CKAP5: variants seen among roughly 807,000 people sequenced by gnomAD.
CKAP5 encodes cytoskeleton-associated protein 5.
Under a neutral mutation model 232.8 loss-of-function variants are expected in CKAP5, and 27 were observed. The ratio of observed to expected loss-of-function variants is 0.12; its 90% CI spans 0.09 to 0.16. The LOEUF (loss-of-function observed/expected upper bound fraction) is 0.16, where lower values mean the gene tolerates loss of function less well. CKAP5 is among the 10% of genes least tolerant of loss of function. The pLI, the probability that CKAP5 is intolerant of heterozygous loss-of-function variation, is 1.00. For synonymous variants in CKAP5, 785 were observed against 841.1 expected, an observed-to-expected ratio of 0.93 and a Z score of 1.16; for missense variants, 1,838 against 2,424.7, an observed-to-expected ratio of 0.76 and a Z score of 5.08.
intron 18 of CKAP5, among the ~76,000 whole-genome samples, chr11:46,780,887 G>A (rs1462467047): frequency 1.3e-5 from 2 of 152,128 alleles, no homozygotes; most frequent in African/African-American, 2.4e-5. Context: ...GCCTCCCAAA[G>A]TGCTGGGATT....
In CKAP5 at chr11:46,744,005, C is replaced by T. The variant is rs553303924; in HGVS notation, c.*18G>A. 7.0e-5 allele frequency: 113 copies of T among 1,612,010 alleles called. No individual in the cohort carries two copies. The South Asian group carries it at 7.4e-4, about 11-fold the overall frequency. On this transcript the variant is annotated 3_prime_UTR_variant, in exon 44 of 44. Transcript: ENST00000529230. ...TTAGTAAACTAAAGCTGCAGGGTGCCGGGGGAGTGGGGCAGCTTCATTTGC... is the reference window on the plus strand; with the variant it reads ...TTAGTAAACTAAAGCTGCAGGGTGCTGGGGGAGTGGGGCAGCTTCATTTGC...
intron 1 of CKAP5, among the ~76,000 whole-genome samples, chr11:46,838,048 A>G (rs936571967): frequency 6.6e-6 from 1 of 152,190 alleles, no homozygotes; most frequent in African/African-American, 2.4e-5. Context: ...GGTCAATATT[A>G]AGTCATAAAT....
chr11:46,759,361 C>G lies in CKAP5; in HGVS notation c.4476G>C (p.Glu1492Asp). The change falls in exon 34 of 44, where the codon GAG (glutamate) becomes GAC (aspartate). Residue 1492 changes from glutamate (E) to aspartate (D), a missense_variant. Physicochemically the swap from Glu to Asp is conservative, Grantham distance 45. This residue lies in a region of CKAP5 where 579 missense variants were observed against 843.2 expected (regional missense o/e 0.69). Coordinates refer to ENST00000529230, the MANE Select transcript of CKAP5 (RefSeq NM_001008938.4). ...REFQLDLDEI[E>D]NDNGTVRCEM... Reference sequence around the variant, plus strand: ...CACATCGGACTGTACCATTGTCATTCTCAATCTCATCTAGATCCAGCTGGA... The same window carrying G: ...CACATCGGACTGTACCATTGTCATTGTCAATCTCATCTAGATCCAGCTGGA... 6.2e-7 allele frequency: 1 copy of G among 1,614,014 alleles called. No homozygotes were observed. Among genetic ancestry groups the G allele is most frequent in the Non-Finnish European group, 8.5e-7 (1 of 1,180,012 alleles).
chr11:46,801,447 A>C, intron 8 of CKAP5, 143 bp from the exon 9 acceptor site: 1 of 567,400 alleles, frequency 1.8e-6, no homozygotes, highest in Non-Finnish European at 3.2e-6. Flanking sequence ...AGGTGGGTGG[A>C]CCACCTGAGG....
intron 3 of CKAP5, 46 bp downstream of exon 3, chr11:46,818,264 A>G: frequency 7.0e-7 from 1 of 1,437,878 alleles, no homozygotes; most frequent in South Asian, 1.4e-5. Flanking sequence ...ATTATGTAAC[A>G]CCAAACAGGG....
Position 46,811,077 on chromosome 11 carries a change from A to G in CKAP5, c.560T>C (p.Ile187Thr). The G allele has an allele frequency of 6.2e-7, 1 of 1,614,130 alleles. No homozygotes were observed. Among genetic ancestry groups the G allele is most frequent in the Middle Eastern group, 1.7e-4 (1 of 6,060 alleles). Residue 187 changes from isoleucine to threonine, a missense_variant, in exon 5 of 44, where the codon ATT (isoleucine) becomes ACT (threonine). Ile to Thr is a moderately conservative substitution (Grantham distance 89). Transcript: ENST00000529230. ...EKAVRDEAKL[I>T]AVEIYRWIRD... ...AATCCATCTGTAAATCTCCACAGCA[A>G]TTAGTTTGGCTTCATCTCGAACAGC...
At chr11:46,822,218 T>C (rs1338019511) in intron 1 of CKAP5, among the ~76,000 whole-genome samples, 1 of 151,966 alleles carries the variant, frequency 6.6e-6, no homozygotes, top group Non-Finnish European at 1.5e-5. Flanking sequence ...GAGACAGAAG[T>C]TGCAGTGAGC....
At chr11:46,827,575 T>C (rs776953862) in intron 1 of CKAP5, among the ~76,000 whole-genome samples, 1 of 152,148 alleles carries the variant, frequency 6.6e-6, no homozygotes, top group African/African-American at 2.4e-5. Context: ...TGAGCCAGAC[T>C]GCACCACAGC....
At chr11:46,785,306 T>C (rs1310734303) in intron 16 of CKAP5, among the ~76,000 whole-genome samples, 1 of 152,180 alleles carries the variant, frequency 6.6e-6, no homozygotes, top group Non-Finnish European at 1.5e-5. Flanking sequence ...TACAGATTAA[T>C]TTAGGTGACA....
intron 32 of CKAP5, among the ~76,000 whole-genome samples, 161 bp downstream of exon 32, chr11:46,761,838 AC>A (rs540402780): frequency 5.0e-4 from 76 of 152,342 alleles, no homozygotes; most frequent in African/African-American, 1.7e-3. Context: ...CTAATCAGAG[AC>A]ACCTCAAGGG....
chr11:46,841,997 CAAAAAAAAAAA>C (rs3031699), intron 1 of CKAP5, among the ~76,000 whole-genome samples: 1 of 109,420 alleles, frequency 9.1e-6, no homozygotes, highest in African/African-American at 3.6e-5. Flanking sequence ...GACTTTGGTT[CAAAAAAAAAAA>C]AAAAAAAAAA....
At chr11:46,794,427 G>A (rs1310486383) in intron 13 of CKAP5, among the ~76,000 whole-genome samples, 1 of 152,192 alleles carries the variant, frequency 6.6e-6, no homozygotes, top group Admixed American at 6.5e-5. Context: ...ACTCCAGCCT[G>A]GGGAACAGAG....
chr11:46,806,777 T>C (rs1592471222), intron 8 of CKAP5, among the ~76,000 whole-genome samples: 1 of 152,220 alleles, frequency 6.6e-6, no homozygotes, highest in Non-Finnish European at 1.5e-5. Flanking sequence ...TCAACACTCA[T>C]GGTACTTTCC....
At chr11:46,831,126 A>C (rs1027047765) in intron 1 of CKAP5, among the ~76,000 whole-genome samples, 1 of 152,030 alleles carries the variant, frequency 6.6e-6, no homozygotes, top group Admixed American at 6.6e-5. Flanking sequence ...AAGCAAAGAA[A>C]TTTTTTTGAA....
At chr11:46,753,577 A>C in intron 36 of CKAP5, 80 bp from the exon 37 acceptor site, 1 of 1,049,152 alleles carries the variant, frequency 9.5e-7, no homozygotes, top group East Asian at 2.6e-5. Flanking sequence ...ATTCTGATAA[A>C]TATTCAATTA....
intron 1 of CKAP5, among the ~76,000 whole-genome samples, chr11:46,825,086 A>G (rs917441006): frequency 3.3e-5 from 5 of 152,218 alleles, no homozygotes; most frequent in African/African-American, 1.2e-4. Context: ...AATACCATAT[A>G]GTCCATGCTA....
chr11:46,804,569 A>G (rs1348100978), intron 8 of CKAP5, among the ~76,000 whole-genome samples: 1 of 152,230 alleles, frequency 6.6e-6, no homozygotes, highest in Non-Finnish European at 1.5e-5. Context: ...CAGTATTAAA[A>G]CAAAGTGCTT....
chr11:46,831,814 G>A (rs533224826), intron 1 of CKAP5, among the ~76,000 whole-genome samples: 10 of 150,570 alleles, frequency 6.6e-5, no homozygotes, highest in Non-Finnish European at 1.3e-4. Flanking sequence ...TTACACTTGC[G>A]AGCCACCCCA....
chr11:46,805,159 CG>C (rs1017210260), intron 8 of CKAP5, among the ~76,000 whole-genome samples: 1 of 151,996 alleles, frequency 6.6e-6, no homozygotes, highest in Non-Finnish European at 1.5e-5. Flanking sequence ...CGCTTGAACT[CG>C]GGAGATGGAG....
Sources: gnomAD v4.1 joint callset for allele counts (sites outside exome capture counted in the v4.1 genomes callset) on GRCh38, gnomAD v4.1.1 for gene constraint, gnomAD v4.1.1 regional missense constraint, MANE v1.5 for transcripts, NCBI Gene and HGNC (gene_info 2026-07-23, HGNC 2026-07-21) for gene names.